The following ADGRA1 variants were observed in gnomAD, a reference collection of about 807,000 sequenced individuals.
ADGRA1 encodes adhesion G protein-coupled receptor A1, also known as G-protein coupled receptor 123.
ADGRA1 carries 12 observed loss-of-function variants against 21.3 expected under a neutral mutation model. That is an observed-to-expected ratio of 0.56 (90% CI 0.36 to 0.91). The LOEUF is 0.91. Among genes scored for constraint, ADGRA1 ranks in the 40% least tolerant of loss-of-function variants. ADGRA1 has a pLI of 0.01. For synonymous variants in ADGRA1, 385 were observed against 368.8 expected, an observed-to-expected ratio of 1.04 and a Z score of -0.50; for missense variants, 790 against 805.6, an observed-to-expected ratio of 0.98 and a Z score of 0.23.
chr10:133,127,080 G>A (rs909298319), intron 5 of ADGRA1, 153 bp from the exon 6 acceptor site: 1 of 463,626 alleles, frequency 2.2e-6, no homozygotes, highest in Admixed American at 4.6e-5. Flanking sequence ...CAGTGGTCGG[G>A]GGTCGGGGGT....
At chr10:133,099,568 G>A (rs576039768) in intron 4 of ADGRA1, among the ~76,000 whole-genome samples, 6 of 152,296 alleles carry the variant, frequency 3.9e-5, no homozygotes, top group Admixed American at 2.6e-4. Flanking sequence ...AAGGGGGGAC[G>A]TATACATCAC....
At chr10:133,099,873 T>A (rs1851759466) in intron 4 of ADGRA1, among the ~76,000 whole-genome samples, 1 of 152,148 alleles carries the variant, frequency 6.6e-6, no homozygotes, top group Admixed American at 6.5e-5. Flanking sequence ...AACCCTCCCA[T>A]AGTACCTGGC....
chr10:133,108,265 T>G (rs139683677), intron 5 of ADGRA1, among the ~76,000 whole-genome samples: 1 of 152,380 alleles, frequency 6.6e-6, no homozygotes, highest in Non-Finnish European at 1.5e-5. Context: ...CGGGGCCTCC[T>G]GTGGGTGAGA....
chr10:133,122,496 T>G (rs1037597899), intron 5 of ADGRA1, among the ~76,000 whole-genome samples: 1 of 152,250 alleles, frequency 6.6e-6, no homozygotes, highest in African/African-American at 2.4e-5. Context: ...GTGCCCCCTC[T>G]ACTGCGAAGC....
intron 5 of ADGRA1, among the ~76,000 whole-genome samples, chr10:133,104,085 C>T (rs752010660): frequency 2.0e-5 from 3 of 152,244 alleles, no homozygotes; most frequent in African/African-American, 7.2e-5. Flanking sequence ...GGCACTGTCC[C>T]GTCCAAAACG....
chr10:133,102,583 C>A (rs571453638), intron 4 of ADGRA1, 114 bp from the exon 5 acceptor site: 36 of 1,264,916 alleles, frequency 2.8e-5, no homozygotes, highest in Non-Finnish European at 3.5e-5. Context: ...GGGATACAGA[C>A]GCTGCTGGCC....
chr10:133,110,358 A>G lies in ADGRA1; in HGVS notation c.401+7516A>G, dbSNP rs537064809. ...GAGCCTCACACTCTGGCGGGAAGGC[A>G]GGTGCTGCCGTCAGTCATAAGGTTC... On this transcript the variant is annotated intron_variant, in intron 5 of 6. Coordinates refer to ENST00000392607, the MANE Select transcript of ADGRA1 (RefSeq NM_001083909.3). Among the ~76,000 whole-genome samples the G allele has an allele frequency of 2.0e-5, 3 of 152,398 alleles. No individual in the cohort carries two copies. In the East Asian group the frequency reaches 5.8e-4, roughly 29 times the overall value.
chr10:133,110,085 A>G (rs377323857), intron 5 of ADGRA1, among the ~76,000 whole-genome samples: 14 of 152,358 alleles, frequency 9.2e-5, no homozygotes, highest in African/African-American at 3.1e-4. Context: ...AGGATACACC[A>G]CAGGGCCAAC....
intron 5 of ADGRA1, among the ~76,000 whole-genome samples, chr10:133,122,466 C>G (rs932751681): frequency 2.0e-5 from 3 of 152,238 alleles, no homozygotes; most frequent in Non-Finnish European, 4.4e-5. Context: ...GGGCGAGGGG[C>G]TGGGCAGGGT....
At chr10:133,112,603 A>G (rs12358878) in intron 5 of ADGRA1, among the ~76,000 whole-genome samples, 49,055 of 80,942 alleles carry the variant, frequency 0.61, 12,061 homozygotes, top group East Asian at 0.73. Flanking sequence ...GGTTATTTGG[A>G]GTCTACGGGC....
intron 5 of ADGRA1, among the ~76,000 whole-genome samples, chr10:133,125,341 T>C (rs1306811561): frequency 6.6e-6 from 1 of 152,260 alleles, no homozygotes; most frequent in East Asian, 1.9e-4. Context: ...GTGATTGTTT[T>C]GCTCTTTGGA....
At chr10:133,124,552 G>C (rs963517235) in intron 5 of ADGRA1, among the ~76,000 whole-genome samples, 1 of 152,266 alleles carries the variant, frequency 6.6e-6, no homozygotes, top group Admixed American at 6.5e-5. Flanking sequence ...GCACAGAGGG[G>C]TGGGGTGGCC....
intron 2 of ADGRA1, 67 bp downstream of exon 2, chr10:133,088,979 T>C: frequency 1.6e-6 from 2 of 1,234,798 alleles, no homozygotes; most frequent in Non-Finnish European, 2.0e-6. Context: ...CGGCCACCCG[T>C]ATGGGGACTC....
chr10:133,127,968 C>T (rs1490755176), intron 6 of ADGRA1, among the ~76,000 whole-genome samples: 2 of 106,880 alleles, frequency 1.9e-5, no homozygotes, highest in Non-Finnish European at 3.8e-5. Context: ...TGCTCAGCCC[C>T]GCCCACCCCA....
intron 2 of ADGRA1, chr10:133,095,724 G>C: frequency 6.3e-7 from 1 of 1,598,332 alleles, no homozygotes; most frequent in Non-Finnish European, 8.5e-7. Flanking sequence ...AAGAAGTGTG[G>C]CCTCAGGAGG....
intron 2 of ADGRA1, among the ~76,000 whole-genome samples, chr10:133,089,586 T>C (rs920534786): frequency 2.0e-5 from 3 of 152,130 alleles, no homozygotes; most frequent in Non-Finnish European, 4.4e-5. Context: ...TGTGTGCTGG[T>C]AAGGGACAGC....
chr10:133,092,927 C>T, intron 2 of ADGRA1: 1 of 1,554,052 alleles, frequency 6.4e-7, no homozygotes, highest in Non-Finnish European at 8.6e-7. Context: ...ACTGGAAGCA[C>T]CTGGGAGGAT....
chr10:133,128,974 G>C lies in ADGRA1; in HGVS notation c.1146G>C (p.Pro382=). The C allele has an allele frequency of 6.4e-7, 1 of 1,560,660 alleles. No individual in the cohort carries two copies. The highest frequency in any genetic ancestry group is 8.7e-7 in the Non-Finnish European group (1 of 1,154,058). Residue 382 remains proline, a synonymous_variant, in exon 7 of 7, where the codon CCG becomes CCC. Transcript: ENST00000392607. ...CCAGTTGCCTGTCACCGGCCACCCCGTGCTGCGCCAAGATGCACTGCGAGC... is the reference window on the plus strand; with the variant it reads ...CCAGTTGCCTGTCACCGGCCACCCCCTGCTGCGCCAAGATGCACTGCGAGC... ...GHASCLSPAT[P]CCAKMHCEPL... is the part of the protein sequence containing the mutation.
chr10:133,094,726 A>C (rs1851659312), intron 2 of ADGRA1, among the ~76,000 whole-genome samples: 1 of 152,056 alleles, frequency 6.6e-6, no homozygotes, highest in South Asian at 2.1e-4. Context: ...AACTGTGTAG[A>C]GCGTTCAGGT....
Sources: gnomAD v4.1 joint callset for allele counts (sites outside exome capture counted in the v4.1 genomes callset) on GRCh38, gnomAD v4.1.1 for gene constraint, MANE v1.5 for transcripts, NCBI Gene and HGNC (gene_info 2026-07-23, HGNC 2026-07-21) for gene names.